Variants in THSD7B observed in about 807,000 individuals in gnomAD.
THSD7B encodes thrombospondin type-1 domain-containing protein 7B.
THSD7B carries 138 observed loss-of-function variants against 213.6 expected under a neutral mutation model. The observed-to-expected ratio is 0.65, with a 90% CI of 0.56 to 0.74. The LOEUF (loss-of-function observed/expected upper bound fraction) is 0.74. Ranked by LOEUF, THSD7B falls within the 30% of genes least tolerant of loss-of-function variation. The pLI is 0.00. For synonymous variants in THSD7B, 742 were observed against 687.0 expected (o/e 1.08, Z -1.25); for missense variants, 1,931 against 1,991.5 (o/e 0.97, Z 0.58).
At chr2:136,933,896 C>T (rs1684675194) in intron 2 of THSD7B, among the ~76,000 whole-genome samples, 1 of 152,100 alleles carries the variant, frequency 6.6e-6, no homozygotes, top group South Asian at 2.1e-4. Context: ...AAGTGTAAAA[C>T]CACACAGATC....
intron 4 of THSD7B, among the ~76,000 whole-genome samples, chr2:137,097,136 G>A (rs181526871): frequency 6.6e-6 from 1 of 152,124 alleles, no homozygotes; most frequent in Admixed American, 6.5e-5. Flanking sequence ...TGACATTGAT[G>A]CCTCTATCCT....
chr2:137,612,639 T>A (rs1158362124), intron 17 of THSD7B, among the ~76,000 whole-genome samples: 1 of 152,166 alleles, frequency 6.6e-6, no homozygotes, highest in East Asian at 1.9e-4. Flanking sequence ...AAAAAATCCT[T>A]GTTTAGCACT....
chr2:137,414,452 C>G (rs1256194381), intron 14 of THSD7B, among the ~76,000 whole-genome samples: 1 of 152,048 alleles, frequency 6.6e-6, no homozygotes, highest in Non-Finnish European at 1.5e-5. Context: ...GGCACTGTGG[C>G]TCATGCCTGT....
At chr2:137,592,461 G>T (rs1362346652) in intron 17 of THSD7B, among the ~76,000 whole-genome samples, 2 of 150,264 alleles carry the variant, frequency 1.3e-5, no homozygotes, top group Non-Finnish European at 3.0e-5. Flanking sequence ...TTTTAGCTAT[G>T]GAATACTACT....
At chr2:137,102,295 G>A (rs993407922) in intron 4 of THSD7B, among the ~76,000 whole-genome samples, 3 of 152,198 alleles carry the variant, frequency 2.0e-5, no homozygotes, top group Non-Finnish European at 4.4e-5. Context: ...TGCAGCAGAG[G>A]GGCCTGACTG....
chr2:137,584,776 G>A (rs573866487), intron 17 of THSD7B, among the ~76,000 whole-genome samples: 2 of 152,166 alleles, frequency 1.3e-5, no homozygotes, highest in East Asian at 1.9e-4. Flanking sequence ...ATGTTCATAA[G>A]GGATATTGGT....
intron 12 of THSD7B, among the ~76,000 whole-genome samples, chr2:137,365,262 C>A (rs936249175): frequency 2.6e-5 from 4 of 152,008 alleles, no homozygotes; most frequent in African/African-American, 9.7e-5. Flanking sequence ...AAAGACTTAC[C>A]TGTTAGATCT....
intron 1 of THSD7B, among the ~76,000 whole-genome samples, chr2:136,833,363 CAAAAAAAA>C (rs10639590): frequency 4.3e-4 from 24 of 55,482 alleles, no homozygotes; most frequent in African/African-American, 1.6e-3. Flanking sequence ...GACTCCGTCT[CAAAAAAAA>C]AAAAAAAAAA....
chr2:136,816,942 G>T (rs1682483771), intron 1 of THSD7B, among the ~76,000 whole-genome samples: 2 of 152,126 alleles, frequency 1.3e-5, no homozygotes, highest in South Asian at 4.1e-4. Flanking sequence ...TGGACATATT[G>T]CTGAACTTTC....
intron 10 of THSD7B, among the ~76,000 whole-genome samples, chr2:137,248,911 G>A (rs1006516057): frequency 1.3e-5 from 2 of 152,154 alleles, no homozygotes; most frequent in Admixed American, 6.6e-5. Context: ...ACAGCAAGAT[G>A]TATAGCTCAC....
intron 26 of THSD7B, 65 bp downstream of exon 26, chr2:137,663,640 C>A (rs897710515): frequency 1.5e-4 from 212 of 1,370,434 alleles, no homozygotes; most frequent in Non-Finnish European, 2.0e-4. Flanking sequence ...TTGACCACTT[C>A]TCATGATGGA....
Position 137,046,495 on chromosome 2 carries a change from C to T in THSD7B, c.140-9925C>T, listed in dbSNP as rs538042442. 8.9e-4 allele frequency among the ~76,000 whole-genome samples: 135 copies of T among 152,028 alleles called. 1 individual carries two copies. The South Asian group carries it at 9.8e-3, about 11-fold the overall frequency. On this transcript the variant is annotated intron_variant, in intron 2 of 27. Transcript: ENST00000409968. ...CTGTCATCCCAGCACTTTGGGAAGG[C>T]GAGGTGGGCAGATCGCCTGAGGTCG...
chr2:136,862,265 CT>C (rs1683267747), intron 1 of THSD7B, among the ~76,000 whole-genome samples: 1 of 152,144 alleles, frequency 6.6e-6, no homozygotes, highest in Admixed American at 6.5e-5. Context: ...ACCTTTCCCA[CT>C]TGCAAAGTAT....
At chr2:137,666,418 C>CTGAT (rs2104826039) in intron 26 of THSD7B, among the ~76,000 whole-genome samples, 1 of 152,088 alleles carries the variant, frequency 6.6e-6, no homozygotes, top group African/African-American at 2.4e-5. Flanking sequence ...ATTCTAAAAT[C>CTGAT]TGATTGAGAC....
intron 3 of THSD7B, among the ~76,000 whole-genome samples, chr2:137,064,328 C>A (rs1573798255): frequency 6.6e-6 from 1 of 151,898 alleles, no homozygotes; most frequent in East Asian, 1.9e-4. Context: ...TCTATTAAGA[C>A]CTTTTGCTCA....
chr2:137,660,624 G>A (rs57409531), intron 25 of THSD7B, among the ~76,000 whole-genome samples: 1,621 of 152,258 alleles, frequency 0.011, 29 homozygotes, highest in African/African-American at 0.036. Flanking sequence ...CTCTCTGGAT[G>A]TCCTCTTTAA....
intron 12 of THSD7B, among the ~76,000 whole-genome samples, chr2:137,326,061 C>T (rs1276488512): frequency 6.6e-6 from 1 of 152,144 alleles, no homozygotes; most frequent in African/African-American, 2.4e-5. Flanking sequence ...GAACCAGTCT[C>T]GTTAACAGGG....
At position 137,164,123 on chromosome 2, in the gene THSD7B, G is replaced by A. The variant is rs552079941; in HGVS notation, c.1525+3755G>A. ...CATGGGATGTATCTAGTGCCAGTAC[G>A]TTGTCATTGGATGAAGGGGGAAAAG... On this transcript the variant is annotated intron_variant, in intron 6 of 27. Coordinates refer to ENST00000409968, the MANE Select transcript of THSD7B (RefSeq NM_001316349.2). 4.6e-5 allele frequency among the ~76,000 whole-genome samples: 7 copies of A among 152,238 alleles called. No homozygotes were observed. The South Asian group carries it at 8.3e-4, about 18-fold the overall frequency.
chr2:137,366,482 AG>A (rs1685410912), intron 12 of THSD7B, among the ~76,000 whole-genome samples: 1 of 152,182 alleles, frequency 6.6e-6, no homozygotes, highest in East Asian at 1.9e-4. Context: ...ACTTTTGGGA[AG>A]GATCAAATAA....
Sources: allele counts gnomAD v4.1 joint callset (sites outside exome capture counted in the v4.1 genomes callset), GRCh38; gene constraint gnomAD v4.1.1; transcripts MANE v1.5; gene names NCBI Gene and HGNC (gene_info 2026-07-23, HGNC 2026-07-21).